SUPT3H: variants seen among roughly 807,000 people sequenced by gnomAD.
SUPT3H encodes the protein SPT3 homolog, SAGA and STAGA complex component.
SUPT3H carries 44 observed loss-of-function variants against 44.3 expected under a neutral mutation model. The ratio of observed to expected loss-of-function variants is 0.99; its 90% CI spans 0.78 to 1.28. The LOEUF is 1.28. Ranked by LOEUF, SUPT3H falls within the 50% of genes most tolerant of loss-of-function variation. The pLI is 0.00. For synonymous variants in SUPT3H, 124 were observed against 125.6 expected (o/e 0.99, Z 0.09); for missense variants, 380 against 387.1 (o/e 0.98, Z 0.15).
chr6:45,330,882 A>C (rs908907323), intron 2 of SUPT3H, among the ~76,000 whole-genome samples: 32 of 151,984 alleles, frequency 2.1e-4, no homozygotes. Flanking sequence ...CATCATGTAT[A>C]TGTTATCACA....
At chr6:44,905,000 A>T (rs1299625441) in intron 10 of SUPT3H, among the ~76,000 whole-genome samples, 1 of 152,264 alleles carries the variant, frequency 6.6e-6, no homozygotes, top group African/African-American at 2.4e-5. Context: ...CCTTCCTTAC[A>T]CCTTATACAA....
chr6:45,001,112 G>T (rs948665985), intron 6 of SUPT3H, among the ~76,000 whole-genome samples: 6 of 151,944 alleles, frequency 3.9e-5, no homozygotes, highest in Non-Finnish European at 7.4e-5. Context: ...GTCTTTGGTT[G>T]ACAATATTTG....
At chr6:45,307,565 T>G (rs1783247508) in intron 2 of SUPT3H, among the ~76,000 whole-genome samples, 1 of 152,082 alleles carries the variant, frequency 6.6e-6, no homozygotes, top group Non-Finnish European at 1.5e-5. Context: ...GTCCTGACTG[T>G]TAAAAGGAAA....
intron 7 of SUPT3H, among the ~76,000 whole-genome samples, chr6:44,958,396 G>C (rs575074002): frequency 2.3e-4 from 35 of 152,182 alleles, no homozygotes; most frequent in African/African-American, 7.9e-4. Flanking sequence ...CCTTTCCTTA[G>C]GGTCCTCTGG....
chr6:45,260,891 C>T (rs1774248532), intron 2 of SUPT3H, among the ~76,000 whole-genome samples: 3 of 152,038 alleles, frequency 2.0e-5, no homozygotes, highest in African/African-American at 7.2e-5. Context: ...CACTGAAAGA[C>T]TTTTGACCCA....
chr6:45,248,724 G>A (rs543606925), intron 2 of SUPT3H, among the ~76,000 whole-genome samples: 3 of 152,178 alleles, frequency 2.0e-5, no homozygotes, highest in African/African-American at 7.2e-5. Flanking sequence ...AGACCACCCT[G>A]GTCAACATGG....
At chr6:44,872,749 A>G (rs930856739) in intron 10 of SUPT3H, among the ~76,000 whole-genome samples, 5 of 49,772 alleles carry the variant, frequency 1.0e-4, no homozygotes, top group African/African-American at 3.1e-4. Flanking sequence ...GTATTCAGGA[A>G]ACCCATCTCA....
rs769188056 is a variant in SUPT3H at position 45,105,988 on chromosome 6, A to G, written c.120T>C (p.Ala40=). 1 of 1,613,706 alleles carries G rather than the reference A, an allele frequency of 6.2e-7. No homozygotes were observed. The highest frequency in any genetic ancestry group is 1.1e-5 in the South Asian group (1 of 91,082). Residue 40 remains alanine, a synonymous_variant, in exon 3 of 11, where the codon GCT becomes GCC. Coordinates refer to ENST00000371459, the MANE Select transcript of SUPT3H (RefSeq NM_003599.4). ...CTGCTGTTTCATGAAGAGGCCTTCT[A>G]GCATCACCTAAAGAATACCTGCAAA... is the stretch of plus-strand genomic sequence containing the variant. ...LQSMMYSLGD[A]RRPLHETAVL... is the part of the protein sequence containing the mutation.
chr6:45,263,158 A>G (rs1165634099), intron 2 of SUPT3H, among the ~76,000 whole-genome samples: 2 of 152,170 alleles, frequency 1.3e-5, no homozygotes, highest in Non-Finnish European at 2.9e-5. Context: ...AAAATAAATC[A>G]TTCCACCAGA....
chr6:44,884,177 C>G (rs1291112999), intron 10 of SUPT3H, among the ~76,000 whole-genome samples: 1 of 151,992 alleles, frequency 6.6e-6, no homozygotes, highest in Non-Finnish European at 1.5e-5. Context: ...AAAAGCAACA[C>G]CATCAAAAAG....
At chr6:45,300,746 A>G (rs958950584) in intron 2 of SUPT3H, among the ~76,000 whole-genome samples, 2 of 152,326 alleles carry the variant, frequency 1.3e-5, no homozygotes, top group South Asian at 2.1e-4. Context: ...AAAACTGTAC[A>G]TTTTAAATTA....
intron 9 of SUPT3H, among the ~76,000 whole-genome samples, chr6:44,945,084 T>C (rs1475133800): frequency 6.6e-6 from 1 of 152,152 alleles, no homozygotes; most frequent in African/African-American, 2.4e-5. Flanking sequence ...ATATTTCAAA[T>C]ATTTTCATTA....
chr6:45,213,798 T>A (rs1180931992), intron 2 of SUPT3H, among the ~76,000 whole-genome samples: 1 of 152,020 alleles, frequency 6.6e-6, no homozygotes, highest in Non-Finnish European at 1.5e-5. Flanking sequence ...ATTCCAAATT[T>A]TGAATTAAGA....
intron 2 of SUPT3H, among the ~76,000 whole-genome samples, chr6:45,253,171 A>T (rs929534229): frequency 6.6e-6 from 1 of 152,202 alleles, no homozygotes; most frequent in African/African-American, 2.4e-5. Context: ...AAAATTTCTT[A>T]TAAAAAACAA....
intron 2 of SUPT3H, among the ~76,000 whole-genome samples, chr6:45,149,268 C>T (rs1465058891): frequency 6.6e-6 from 1 of 152,120 alleles, no homozygotes; most frequent in Non-Finnish European, 1.5e-5. Flanking sequence ...AATTATTTCT[C>T]ATAAATGCCA....
chr6:45,233,616 T>C (rs994956207), intron 2 of SUPT3H, among the ~76,000 whole-genome samples: 20 of 152,320 alleles, frequency 1.3e-4, no homozygotes, highest in African/African-American at 4.8e-4. Context: ...CTCAGCCAAG[T>C]CTCCAATGGC....
At chr6:45,272,142 G>T (rs555513928) in intron 2 of SUPT3H, among the ~76,000 whole-genome samples, 2 of 152,336 alleles carry the variant, frequency 1.3e-5, no homozygotes, top group African/African-American at 4.8e-5. Context: ...TGGGACTGTG[G>T]ACTTTTGAGT....
chr6:45,247,151 G>A (rs373203881), intron 2 of SUPT3H, among the ~76,000 whole-genome samples: 108 of 152,250 alleles, frequency 7.1e-4, no homozygotes, highest in African/African-American at 2.6e-3. Context: ...TAACGTTGAC[G>A]AATTAAAAGA....
intron 2 of SUPT3H, among the ~76,000 whole-genome samples, chr6:45,287,684 A>G (rs1779546434): frequency 6.6e-6 from 1 of 152,190 alleles, no homozygotes; most frequent in South Asian, 2.1e-4. Context: ...CTGGAGATGA[A>G]TAGGTGTAAT....
Sources: allele counts gnomAD v4.1 joint callset (sites outside exome capture counted in the v4.1 genomes callset), GRCh38; gene constraint gnomAD v4.1.1; transcripts MANE v1.5; gene names NCBI Gene and HGNC (gene_info 2026-07-23, HGNC 2026-07-21).